Variants in KREMEN1 observed in about 807,000 individuals in gnomAD.
The protein encoded by KREMEN1 is kremen protein 1.
KREMEN1 carries 30 observed loss-of-function variants against 46.5 expected under a neutral mutation model. The observed-to-expected ratio is 0.65, with a 90% CI of 0.48 to 0.88. The LOEUF (loss-of-function observed/expected upper bound fraction) is 0.88, where lower values mean the gene tolerates loss of function less well. Among genes scored for constraint, KREMEN1 ranks in the 40% least tolerant of loss-of-function variants. KREMEN1 has a pLI of 0.00. For synonymous variants in KREMEN1, 214 were observed against 230.6 expected, an observed-to-expected ratio of 0.93 and a Z score of 0.65; for missense variants, 533 against 596.9, an observed-to-expected ratio of 0.89 and a Z score of 1.11.
rs561460983 is a variant in KREMEN1 at position 29,095,073 on chromosome 22, C to G, written c.260+653C>G. On this transcript the variant is annotated intron_variant, in intron 2 of 8. Transcript: ENST00000400335. ...TACACAGTTAGCAGAGCAGCCTACA[C>G]TACCGAGAATGTCGTGGTCAGACAG... is the stretch of plus-strand genomic sequence containing the variant. Among the ~76,000 whole-genome samples the G allele has an allele frequency of 5.6e-4, 86 of 152,340 alleles. No homozygotes were observed. In the South Asian group the frequency reaches 0.017, roughly 30 times the overall value.
At position 29,155,239 on chromosome 22, in the gene KREMEN1, A is replaced by G. The variant is rs1039659947; in HGVS notation, c.1417-11805A>G. ...TGGTCACCTTTGGAAAAGGAAAGGA[A>G]GAAGACAGGAGGAGGCCAGGGGCAG... On this transcript the variant is annotated intron_variant, in intron 9 of 9. Transcript: ENST00000327813. Among the ~76,000 whole-genome samples the G allele has an allele frequency of 2.0e-5, 3 of 152,204 alleles. No homozygotes were observed. The East Asian group carries it at 5.8e-4, about 29-fold the overall frequency.
chr22:29,076,577 G>A (rs1023906102), intron 1 of KREMEN1, among the ~76,000 whole-genome samples: 4 of 152,184 alleles, frequency 2.6e-5, no homozygotes, highest in South Asian at 2.1e-4. Flanking sequence ...GAGGCCGGGC[G>A]CGGTGGCTCA....
chr22:29,124,921 C>G (rs1384192409), intron 4 of KREMEN1, among the ~76,000 whole-genome samples: 4 of 152,190 alleles, frequency 2.6e-5, no homozygotes, highest in African/African-American at 9.7e-5. Context: ...AGCTATAAAG[C>G]ACTCACTGCC....
At chr22:29,094,968 G>T (rs134660) in intron 2 of KREMEN1, among the ~76,000 whole-genome samples, 89 of 152,188 alleles carry the variant, frequency 5.8e-4, no homozygotes, top group African/African-American at 2.0e-3. Flanking sequence ...TGCTGGCTTT[G>T]AAAGCTCTGC....
intron 3 of KREMEN1, among the ~76,000 whole-genome samples, chr22:29,112,010 G>A (rs1268159361): frequency 1.3e-5 from 2 of 152,058 alleles, no homozygotes; most frequent in South Asian, 2.1e-4. Flanking sequence ...CCCAAACCCT[G>A]TATCCCAAGA....
In KREMEN1 at chr22:29,107,420, C is replaced by A. The variant is rs371434102; in HGVS notation, c.352+8467C>A. 5.9e-5 allele frequency among the ~76,000 whole-genome samples: 9 copies of A among 151,962 alleles called. No individual in the cohort carries two copies. In the East Asian group the frequency reaches 1.6e-3, roughly 26 times the overall value. On this transcript the variant is annotated intron_variant, in intron 3 of 8. Transcript: ENST00000400335. Reference sequence around the variant, plus strand: ...GTATTTTTAGTAGAGACGGGGTTCACCATGTTGGCCAGGCTGGTCTCAAAC... The same window carrying A: ...GTATTTTTAGTAGAGACGGGGTTCAACATGTTGGCCAGGCTGGTCTCAAAC...
chr22:29,076,727 C>G (rs1343793023), intron 1 of KREMEN1, among the ~76,000 whole-genome samples: 1 of 152,196 alleles, frequency 6.6e-6, no homozygotes, highest in Non-Finnish European at 1.5e-5. Flanking sequence ...TGGCACGTGC[C>G]TGTAATCCCA....
rs200423491 is a variant in KREMEN1, at chr22:29,074,549, T to TA, written c.97+1322_97+1323insA. ...AAGAGAAGGCAAGAGGGCGTTGCAT[T>TA]TCTCTGCAGGCTGTTTGGGTGTTGA... On this transcript the variant is annotated intron_variant, in intron 1 of 8. Coordinates refer to ENST00000400335, the MANE Select transcript of KREMEN1 (RefSeq NM_001039570.3). Among the ~76,000 whole-genome samples the TA allele has an allele frequency of 6.1e-3, 923 of 152,368 alleles. 9 individuals are homozygous for TA. The highest frequency in any genetic ancestry group is 0.021 in the African/African-American group (889 of 41,582).
At chr22:29,076,804 A>C (rs1180803412) in intron 1 of KREMEN1, among the ~76,000 whole-genome samples, 1 of 152,228 alleles carries the variant, frequency 6.6e-6, no homozygotes, top group Non-Finnish European at 1.5e-5. Context: ...GTGAGTTGAG[A>C]TCACACCATT....
chr22:29,101,175 C>G (rs1033793685), intron 3 of KREMEN1, among the ~76,000 whole-genome samples: 2 of 146,158 alleles, frequency 1.4e-5, no homozygotes, highest in African/African-American at 5.1e-5. Context: ...TCACTTGAAC[C>G]TGGGAGGCAG....
At position 29,073,292 on chromosome 22, in the gene KREMEN1, G is replaced by C; in HGVS notation, c.97+65G>C. On this transcript the variant is annotated intron_variant, in intron 1 of 8. Coordinates refer to ENST00000400335, the MANE Select transcript of KREMEN1 (RefSeq NM_001039570.3). This position sits in a 1 kb window ranked among gnomAD's most constrained non-coding sequence, Gnocchi z 4.4. ...GCCCACTCGAGGGGCGACAAGGGCC[G>C]GCCGGCCTGAGAGCCCCCTCCCTCC... 1.4e-6 allele frequency: 1 copy of C among 711,964 alleles called. No individual in the cohort carries two copies. Among genetic ancestry groups the C allele is most frequent in the Non-Finnish European group, 1.9e-6 (1 of 540,042 alleles). The allele number at this position is 711,964 out of a possible 1,614,324, so 44.1% of individuals were successfully genotyped here.
At chr22:29,082,434 T>C (rs1440441413) in intron 1 of KREMEN1, among the ~76,000 whole-genome samples, 4 of 152,190 alleles carry the variant, frequency 2.6e-5, no homozygotes, top group African/African-American at 9.7e-5. Flanking sequence ...CATAAACTTG[T>C]ACTTGATTTA....
intron 2 of KREMEN1, among the ~76,000 whole-genome samples, chr22:29,098,390 C>G (rs2037916648): frequency 6.6e-6 from 1 of 152,078 alleles, no homozygotes; most frequent in African/African-American, 2.4e-5. Context: ...AGAATAAATT[C>G]CTAAAGAGGA....
At chr22:29,127,676 G>T (rs1253326548) in intron 5 of KREMEN1, among the ~76,000 whole-genome samples, 1 of 152,166 alleles carries the variant, frequency 6.6e-6, no homozygotes, top group East Asian at 1.9e-4. Context: ...AAACAGTCTG[G>T]CATTTCCTCA....
chr22:29,117,651 G>A (rs2038264615), intron 3 of KREMEN1, among the ~76,000 whole-genome samples: 1 of 152,004 alleles, frequency 6.6e-6, no homozygotes, highest in Non-Finnish European at 1.5e-5. Context: ...TGACCTAGAA[G>A]TGCTTCTGAG....
intron 5 of KREMEN1, 65 bp from the exon 6 acceptor site, chr22:29,137,277 G>C (rs2038675701): frequency 8.6e-7 from 1 of 1,161,698 alleles, no homozygotes; most frequent in Non-Finnish European, 1.2e-6. Context: ...TAGTGCCTTG[G>C]TGTTGGAAGC....
chr22:29,138,779 C>T lies in KREMEN1; in HGVS notation c.1120C>T (p.Pro374Ser), dbSNP rs1668148666. 3 of 1,614,080 alleles carry T rather than the reference C, an allele frequency of 1.9e-6. No homozygotes were observed. The highest frequency in any genetic ancestry group is 2.2e-5 in the South Asian group (2 of 91,088). ...TSPSHPPQTV[P>S]GWTVYGLATL... is the part of the protein sequence containing the mutation. ...CCCCAGCCACCCACCTCAGACTGTC[C>T]CAGGTAGCAATTCCTGGGCGCCACC... is the stretch of plus-strand genomic sequence containing the variant. Residue 374 changes from proline (P) to serine (S), a missense_variant, in exon 7 of 9, where the codon CCA becomes TCA. Pro to Ser is a moderately conservative substitution (Grantham distance 74). Transcript: ENST00000400335.
intron 1 of KREMEN1, among the ~76,000 whole-genome samples, chr22:29,087,423 C>T (rs1220687554): frequency 6.6e-6 from 1 of 152,110 alleles, no homozygotes; most frequent in Non-Finnish European, 1.5e-5. Flanking sequence ...TTGTATTTCT[C>T]AATAGTGTGT....
chr22:29,074,837 C>T (rs1707908700), intron 1 of KREMEN1, among the ~76,000 whole-genome samples: 1 of 152,202 alleles, frequency 6.6e-6, no homozygotes, highest in African/African-American at 2.4e-5. Flanking sequence ...TCTGTAAAGA[C>T]AGGATAACTT....
Sources: allele counts gnomAD v4.1 joint callset (sites outside exome capture counted in the v4.1 genomes callset), GRCh38; gene constraint gnomAD v4.1.1; non-coding constraint Gnocchi (gnomAD v3.1); transcripts MANE v1.5; gene names NCBI Gene and HGNC (gene_info 2026-07-23, HGNC 2026-07-21).